KCNH5: variants seen among roughly 807,000 people sequenced by gnomAD.
KCNH5 encodes potassium voltage-gated channel subfamily H member 5.
A neutral mutation model predicts 96.1 loss-of-function variants in KCNH5; 46 were observed. The ratio of observed to expected loss-of-function variants is 0.48; its 90% CI spans 0.38 to 0.61. The LOEUF is 0.61. Among genes scored for constraint, KCNH5 ranks in the 20% least tolerant of loss-of-function variants. The pLI is 0.00. For missense variants in KCNH5, 907 were observed against 1,225.8 expected (o/e 0.74, Z 3.88); for synonymous variants, 439 against 449.8 (o/e 0.98, Z 0.30).
At chr14:62,816,019 G>T (rs764643929) in intron 8 of KCNH5, among the ~76,000 whole-genome samples, 42 of 151,754 alleles carry the variant, frequency 2.8e-4, no homozygotes, top group Non-Finnish European at 2.5e-4. Context: ...TGATATAAAA[G>T]AATATATATA....
At chr14:62,934,988 T>A (rs1430836803) in intron 7 of KCNH5, among the ~76,000 whole-genome samples, 1 of 152,078 alleles carries the variant, frequency 6.6e-6, no homozygotes, top group African/African-American at 2.4e-5. Flanking sequence ...CAGCTTCCCA[T>A]CCAGAACTCT....
At chr14:62,956,174 C>T (rs1454644402) in intron 6 of KCNH5, among the ~76,000 whole-genome samples, 1 of 152,164 alleles carries the variant, frequency 6.6e-6, no homozygotes, top group Non-Finnish European at 1.5e-5. Flanking sequence ...CTCTATGCCT[C>T]TGCATAGCCC....
At chr14:62,720,353 T>C (rs1480467548) in intron 10 of KCNH5, among the ~76,000 whole-genome samples, 1 of 152,034 alleles carries the variant, frequency 6.6e-6, no homozygotes, top group African/African-American at 2.4e-5. Flanking sequence ...ACTCACACAT[T>C]GAAAGGTTGG....
intron 6 of KCNH5, among the ~76,000 whole-genome samples, chr14:62,960,264 G>C (rs1406483024): frequency 2.6e-5 from 4 of 152,056 alleles, no homozygotes; most frequent in African/African-American, 9.7e-5. Context: ...ATCTAGATCA[G>C]GTCATTTCAT....
intron 5 of KCNH5, among the ~76,000 whole-genome samples, chr14:62,984,009 GT>G (rs1333908055): frequency 6.6e-6 from 1 of 152,128 alleles, no homozygotes; most frequent in African/African-American, 2.4e-5. Context: ...ACAAAAAACA[GT>G]GCACAAAAAA....
In KCNH5 at chr14:62,704,331, C is replaced by T. The variant is rs763294222; in HGVS notation, c.*3177G>A. 1.3e-5 allele frequency: 2 copies of T among 151,974 alleles called. No individual in the cohort carries two copies. The allele number at this position is 151,974 out of a possible 1,614,324, so 9.4% of individuals were successfully genotyped here. ...TGAAGCATGGGCCTGTATTCAACCA[C>T]GTCATTCAATTCAACCACTGTGCCT... On this transcript the variant is annotated 3_prime_UTR_variant, in exon 11 of 11. Coordinates refer to ENST00000322893, the MANE Select transcript of KCNH5 (RefSeq NM_139318.5).
In KCNH5 at chr14:62,708,141, G is replaced by A; in HGVS notation, c.2334C>T (p.Asn778=). The A allele has an allele frequency of 6.2e-7, 1 of 1,614,198 alleles. No homozygotes were observed. Among genetic ancestry groups the A allele is most frequent in the South Asian group, 1.1e-5 (1 of 91,080 alleles). ...TGGGCTTGAGTTCCATGGCATCACG[G>A]TTGTTCTGCTTAAGGGATTCACTGG... ...VKTSESLKQN[N]RDAMELKPNG... is the part of the protein sequence containing the mutation. Residue 778 remains asparagine, a synonymous_variant, in exon 11 of 11, where the codon AAC becomes AAT. Transcript: ENST00000322893.
chr14:63,019,458 T>G (rs1279412350), intron 1 of KCNH5, among the ~76,000 whole-genome samples: 1 of 151,952 alleles, frequency 6.6e-6, no homozygotes, highest in Admixed American at 6.6e-5. Flanking sequence ...TAAACTATAG[T>G]AATTAAGATG....
intron 8 of KCNH5, among the ~76,000 whole-genome samples, chr14:62,817,965 G>T (rs181285193): frequency 6.1e-4 from 91 of 150,048 alleles, no homozygotes; most frequent in South Asian, 1.5e-3. Context: ...TTGTGAAAAC[G>T]TAGAATGAAC....
chr14:62,802,454 A>T lies in KCNH5; in HGVS notation c.1697T>A (p.Phe566Tyr). ...DGCLRALAVE[F>Y]QTIHCAPGDL... ...CCCGGGAGCACAGTGAATGGTTTGG[A>T]ACTCTACCGCCAAGGCGCGCAGACA... is the stretch of plus-strand genomic sequence containing the variant. Residue 566 changes from phenylalanine (F) to tyrosine (Y), a missense_variant, in exon 9 of 11, where the codon TTC becomes TAC. This residue lies in a region of KCNH5 where 20 missense variants were observed against 57.9 expected (regional missense o/e 0.35). Transcript: ENST00000322893. 1 of 1,614,140 alleles carries T rather than the reference A, an allele frequency of 6.2e-7. No individual in the cohort carries two copies. Among genetic ancestry groups the T allele is most frequent in the Non-Finnish European group, 8.5e-7 (1 of 1,180,010 alleles).
At chr14:62,913,303 C>T (rs141291988) in intron 7 of KCNH5, among the ~76,000 whole-genome samples, 3,813 of 152,190 alleles carry the variant, frequency 0.025, 67 homozygotes, top group Middle Eastern at 0.048. Flanking sequence ...TCTCGGCTCA[C>T]TGCAACGTCC....
rs11455239 is a variant in KCNH5 at position 62,714,129 on chromosome 14, T to TAAA, written c.2020-5677_2020-5675dup. The stretch of plus-strand genomic sequence containing the variant: ...GAGACCCTATCTCTACAATAAAATT[T>TAAA]AAAAAAAAAAATAGATATGCATGGT... On this transcript the variant is annotated intron_variant, in intron 10 of 10. Coordinates refer to ENST00000322893, the MANE Select transcript of KCNH5 (RefSeq NM_139318.5). Among the ~76,000 whole-genome samples the TAAA allele has an allele frequency of 3.3e-5, 5 of 150,058 alleles. No homozygotes were observed. In the East Asian group the frequency reaches 9.8e-4, roughly 29 times the overall value.
At chr14:62,929,405 A>C (rs1269468927) in intron 7 of KCNH5, among the ~76,000 whole-genome samples, 1 of 152,090 alleles carries the variant, frequency 6.6e-6, no homozygotes, top group African/African-American at 2.4e-5. Context: ...TCAACACAAC[A>C]GTCAGAGTGA....
chr14:63,013,455 T>C (rs1891266517), intron 2 of KCNH5, among the ~76,000 whole-genome samples: 1 of 152,118 alleles, frequency 6.6e-6, no homozygotes, highest in Non-Finnish European at 1.5e-5. Context: ...ATTTTTAAAT[T>C]ATTTACAAGG....
chr14:62,888,362 T>A (rs1247047745), intron 7 of KCNH5, among the ~76,000 whole-genome samples: 2 of 152,196 alleles, frequency 1.3e-5, no homozygotes, highest in Non-Finnish European at 2.9e-5. Context: ...TTCTCTTTTG[T>A]ACTGTAATTC....
chr14:62,967,834 T>G (rs1027758614), intron 6 of KCNH5, among the ~76,000 whole-genome samples: 4 of 152,200 alleles, frequency 2.6e-5, no homozygotes, highest in African/African-American at 7.2e-5. Flanking sequence ...AATTCCAATA[T>G]ATTTCAACCT....
rs373941818 is a variant in KCNH5, at chr14:62,947,714, G to GACACACACAC, written c.1369+2409_1369+2418dup. Among the ~76,000 whole-genome samples, 362 of 149,602 alleles carry GACACACACAC rather than the reference G, an allele frequency of 2.4e-3. 3 individuals carry two copies. The highest frequency in any genetic ancestry group is 8.6e-3 in the African/African-American group (352 of 40,828). On this transcript the variant is annotated intron_variant, in intron 7 of 10. Transcript: ENST00000322893. ...ATGGAATCTCAGAAAGGACAGCTTA[G>GACACACACAC]ACACACACACACACACACACACAAA...
chr14:62,874,242 G>T (rs1314348239), intron 7 of KCNH5, among the ~76,000 whole-genome samples: 1 of 151,868 alleles, frequency 6.6e-6, no homozygotes, highest in Non-Finnish European at 1.5e-5. Context: ...CTTAAAAATG[G>T]CTCATAATAT....
chr14:62,959,201 G>A (rs867166993), intron 6 of KCNH5, among the ~76,000 whole-genome samples: 23 of 152,002 alleles, frequency 1.5e-4, no homozygotes, highest in African/African-American at 4.8e-4. Flanking sequence ...CCCACAACTC[G>A]GCTAGAGTAA....
Sources: allele counts gnomAD v4.1 joint callset (sites outside exome capture counted in the v4.1 genomes callset), GRCh38; gene constraint gnomAD v4.1.1; regional missense constraint gnomAD v4.1.1; transcripts MANE v1.5; gene names NCBI Gene and HGNC (gene_info 2026-07-23, HGNC 2026-07-21).